MX2: variants seen among roughly 807,000 people sequenced by gnomAD.
MX2 encodes the protein MX dynamin like GTPase 2.
In MX2, 51 loss-of-function variants were observed where a neutral mutation model predicts 74.0. The ratio of observed to expected loss-of-function variants is 0.69; its 90% confidence interval spans 0.55 to 0.87. The LOEUF (loss-of-function observed/expected upper bound fraction) is 0.87, where lower values mean the gene tolerates loss of function less well. Among genes scored for constraint, MX2 ranks in the 40% least tolerant of loss-of-function variants. The pLI is 0.00. For synonymous variants in MX2, 369 were observed against 339.3 expected (o/e 1.09, Z -0.96); for missense variants, 832 against 908.7 (o/e 0.92, Z 1.09).
rs1458774001 is a variant in MX2 at position 41,408,567 on chromosome 21, G to T, written c.*334G>T. 2 of 261,568 alleles carry T rather than the reference G, an allele frequency of 7.6e-6. No homozygotes were observed. The highest frequency in any genetic ancestry group is 4.4e-5 in the African/African-American group (2 of 45,076). The allele number at this position is 261,568 out of a possible 1,614,324, so 16.2% of individuals were successfully genotyped here. ...CTACAAGATTATGAGACCCCAGAGG[G>T]GGAAGGTCTGGGTCAAATTCTTCTT... On this transcript the variant is annotated 3_prime_UTR_variant, in exon 14 of 14. Coordinates refer to ENST00000330714, the MANE Select transcript of MX2 (RefSeq NM_002463.2).
intron 1 of MX2, among the ~76,000 whole-genome samples, chr21:41,369,028 C>G (rs1277142890): frequency 6.6e-6 from 1 of 152,194 alleles, no homozygotes; most frequent in African/African-American, 2.4e-5. Context: ...CTCCGTAGGG[C>G]TAGGAGCTGT....
In MX2 at chr21:41,376,872, G is replaced by C; in HGVS notation, c.-35G>C. 2 of 1,608,128 alleles carry C rather than the reference G, an allele frequency of 1.2e-6. No individual in the cohort carries two copies. Among genetic ancestry groups the C allele is most frequent in the Non-Finnish European group, 1.7e-6 (2 of 1,176,248 alleles). On this transcript the variant is annotated 5_prime_UTR_variant, in exon 2 of 14. Coordinates refer to ENST00000330714, the MANE Select transcript of MX2 (RefSeq NM_002463.2). ...AAGATCGGAGGTGCCAAGTAGCAGA[G>C]AAAGCATCCCCCAGCTCTGACAGGG...
intron 1 of MX2, among the ~76,000 whole-genome samples, chr21:41,369,140 C>G (rs550138750): frequency 6.6e-6 from 1 of 152,222 alleles, no homozygotes; most frequent in Non-Finnish European, 1.5e-5. Context: ...TTTTACGAAC[C>G]CAGGGCTAGT....
At chr21:41,384,097 C>A (rs770557517) in intron 5 of MX2, among the ~76,000 whole-genome samples, 10 of 152,254 alleles carry the variant, frequency 6.6e-5, no homozygotes, top group Middle Eastern at 3.4e-3. Context: ...TTCTTGTTCT[C>A]GCACACATTC....
chr21:41,405,147 T>C (rs1394985259), intron 12 of MX2, among the ~76,000 whole-genome samples: 1 of 151,452 alleles, frequency 6.6e-6, no homozygotes, highest in Non-Finnish European at 1.5e-5. Context: ...TTGTCTCTAC[T>C]AAAAATACAA....
rs1156669220 is a variant in MX2, at chr21:41,402,032, C to T, written c.1477C>T (p.Leu493=). Reference sequence around the variant, plus strand: ...AAAGCAGTATCGAGGCAAGGAGCTTCTGGGATTTGTCAACTACAAGACATT... The same window carrying T: ...AAAGCAGTATCGAGGCAAGGAGCTTTTGGGATTTGTCAACTACAAGACATT... ...YEKQYRGKEL[L]GFVNYKTFEI... Residue 493 remains leucine (L), a synonymous_variant, in exon 11 of 14, where the codon CTG becomes TTG. Transcript: ENST00000330714. This position sits in a 1 kb window ranked among gnomAD's most constrained non-coding sequence, Gnocchi z 4.5. The T allele has an allele frequency of 6.2e-7, 1 of 1,614,146 alleles. No homozygotes were observed. Among genetic ancestry groups the T allele is most frequent in the East Asian group, 2.2e-5 (1 of 44,870 alleles).
chr21:41,395,686 T>C lies in MX2; in HGVS notation c.971T>C (p.Ile324Thr). 1 of 1,614,138 alleles carries C rather than the reference T, an allele frequency of 6.2e-7. No individual in the cohort carries two copies. The highest frequency in any genetic ancestry group is 8.5e-7 in the Non-Finnish European group (1 of 1,180,034). ...TACCCCCTCAAGAAGGGCTACATGA[T>C]TGTGAAGTGCCGGGGCCAGCAGGAG... is the stretch of plus-strand genomic sequence containing the variant. ...LTYPLKKGYM[I>T]VKCRGQQEIT... The change falls in exon 7 of 14, where the codon ATT (isoleucine) becomes ACT (threonine). Residue 324 changes from isoleucine (I) to threonine (T), a missense_variant. Physicochemically the swap from Ile to Thr is moderately conservative, Grantham distance 89. Transcript: ENST00000330714.
rs776524360 is a variant in MX2, at chr21:41,390,714, A to G, written c.871+11A>G. On this transcript the variant is annotated intron_variant, in intron 6 of 13. Transcript: ENST00000330714. ...GGGACAGGACCATCGGTAAGAGGAA[A>G]GAACCAAGTGGCCGGGTGCGGTGGC... 6.8e-6 allele frequency: 11 copies of G among 1,613,416 alleles called. No individual in the cohort carries two copies. Among genetic ancestry groups the G allele is most frequent in the South Asian group, 1.1e-5 (1 of 91,086 alleles).
Position 41,408,730 on chromosome 21 carries a change from T to C in MX2, c.*497T>C, listed in dbSNP as rs2089918911. ...TCAAGCCCAGGCCTTGGACATTTAG[T>C]GACTGTTAGCCGGTCCCTTTCAGAT... On this transcript the variant is annotated 3_prime_UTR_variant, in exon 14 of 14. Transcript: ENST00000330714. 1 of 154,062 alleles carries C rather than the reference T, an allele frequency of 6.5e-6. No individual in the cohort carries two copies. The highest frequency in any genetic ancestry group is 1.4e-5 in the Non-Finnish European group (1 of 69,462). 9.5% of individuals were successfully genotyped at this position (154,062 alleles called of 1,614,324 possible).
intron 5 of MX2, chr21:41,390,273 G>C: frequency 2.7e-6 from 1 of 367,642 alleles, no homozygotes; most frequent in East Asian, 5.2e-5. Context: ...AAGGCATCTC[G>C]GGTGAGATCT....
rs73228024 is a variant in MX2, at chr21:41,388,906, A to G, written c.733-1659A>G. ...TGCTAGTGGTTTGGATGCTACCGGT[A>G]TCCAGTGGGTAAAGGCCACAGAGTC... is the stretch of plus-strand genomic sequence containing the variant. On this transcript the variant is annotated intron_variant, in intron 5 of 13. Coordinates refer to ENST00000330714, the MANE Select transcript of MX2 (RefSeq NM_002463.2). The surrounding 1 kb of genome is among the most constrained non-coding windows in gnomAD (Gnocchi z 4.0). Among the ~76,000 whole-genome samples, 13,736 of 152,204 alleles carry G rather than the reference A, an allele frequency of 0.09. 810 individuals carry two copies. The highest frequency in any genetic ancestry group is 0.22 in the South Asian group (1,052 of 4,824).
intron 12 of MX2, 113 bp downstream of exon 12, chr21:41,403,456 G>A: frequency 1.0e-6 from 1 of 954,834 alleles, no homozygotes; most frequent in Middle Eastern, 2.1e-4. Flanking sequence ...GTAATGGCAG[G>A]CTGGCGAGGC....
intron 1 of MX2, among the ~76,000 whole-genome samples, chr21:41,369,520 G>A (rs1443654419): frequency 6.6e-6 from 1 of 152,156 alleles, no homozygotes; most frequent in Non-Finnish European, 1.5e-5. Context: ...CACGGGGCAG[G>A]TTTTTGAGCC....
In MX2 at chr21:41,377,833, C is replaced by T; in HGVS notation, c.294C>T (p.Arg98=). ...ACAGCCAGTACGAGCAGAAGGTGCG[C>T]CCCTGCATTGACCTCATCGACTCCC... ...NLYSQYEQKV[R]PCIDLIDSLR... Residue 98 remains arginine, a synonymous_variant, in exon 3 of 14, where the codon CGC becomes CGT. Coordinates refer to ENST00000330714, the MANE Select transcript of MX2 (RefSeq NM_002463.2). 1.2e-6 allele frequency: 2 copies of T among 1,614,218 alleles called. No homozygotes were observed. The highest frequency in any genetic ancestry group is 1.7e-6 in the Non-Finnish European group (2 of 1,180,024).
Position 41,406,745 on chromosome 21 carries a change from G to A in MX2, c.1652G>A (p.Ser551Asn), listed in dbSNP as rs2089890878. Reference protein sequence around the residue: ...EFFNLNQTVQSTIEDIKVKHT... With the variant: ...EFFNLNQTVQNTIEDIKVKHT... ...TGTTTGTCTTTTTTATCTAACCAGA[G>A]CACGATTGAAGACATAAAAGTGAAA... The change falls in exon 13 of 14, where the codon AGC becomes AAC. Residue 551 changes from serine to asparagine, a missense_variant and splice_region_variant. Ser to Asn is a conservative substitution (Grantham distance 46, BLOSUM62 1). Transcript: ENST00000330714. 1 of 1,613,198 alleles carries A rather than the reference G, an allele frequency of 6.2e-7. No homozygotes were observed. Among genetic ancestry groups the A allele is most frequent in the Admixed American group, 1.7e-5 (1 of 59,832 alleles).
chr21:41,385,693 A>T (rs373066), intron 5 of MX2, among the ~76,000 whole-genome samples: 37,205 of 152,076 alleles, frequency 0.24, 5,881 homozygotes, highest in Non-Finnish European at 0.35. Flanking sequence ...CCTAATTTTA[A>T]TATTGTGGTG....
chr21:41,376,590 ACT>A (rs1351999004), intron 1 of MX2, among the ~76,000 whole-genome samples: 1 of 151,624 alleles, frequency 6.6e-6, no homozygotes. Context: ...GAACATTGAG[ACT>A]CTACTGGGAA....
Position 41,363,742 on chromosome 21 carries a change from C to T in MX2, c.-72+1687C>T, listed in dbSNP as rs1601385344. On this transcript the variant is annotated intron_variant, in intron 1 of 13. Coordinates refer to ENST00000330714, the MANE Select transcript of MX2 (RefSeq NM_002463.2). This position sits in a 1 kb window ranked among gnomAD's most constrained non-coding sequence, Gnocchi z 4.2. ...GCAAGCCAGCAATAGTGGCTATGCC[C>T]GTGTGGGAGACGCAGCTTGCCTTAG... 1 of 155,178 alleles carries T rather than the reference C, an allele frequency of 6.4e-6. No homozygotes were observed. The highest frequency in any genetic ancestry group is 1.9e-4 in the East Asian group (1 of 5,180). 9.6% of individuals were successfully genotyped at this position (155,178 alleles called of 1,614,324 possible). A position where few individuals can be genotyped will look rare whatever the true frequency, so the allele number is the denominator to read the frequency against.
chr21:41,372,800 G>A (rs1935804785), intron 1 of MX2: 2 of 152,224 alleles, frequency 1.3e-5, no homozygotes, highest in African/African-American at 4.8e-5. Flanking sequence ...TTAAAATAAT[G>A]TGACTTGAAG....
Sources: allele counts gnomAD v4.1 joint callset (sites outside exome capture counted in the v4.1 genomes callset), GRCh38; gene constraint gnomAD v4.1.1; non-coding constraint Gnocchi (gnomAD v3.1); transcripts MANE v1.5; gene names NCBI Gene and HGNC (gene_info 2026-07-23, HGNC 2026-07-21).